Variants in RHOH observed in about 807,000 individuals in gnomAD.
RHOH encodes rho-related GTP-binding protein RhoH.
Under a neutral mutation model 13.8 loss-of-function variants are expected in RHOH, and 6 were observed. The observed-to-expected ratio is 0.44, with a 90% confidence interval of 0.24 to 0.86. RHOH has a LOEUF of 0.86. Among genes scored for constraint, RHOH ranks in the 40% least tolerant of loss-of-function variants. RHOH has a pLI of 0.24. For synonymous variants in RHOH, 117 were observed against 103.0 expected, an observed-to-expected ratio of 1.14 and a Z score of -0.82; for missense variants, 147 against 244.5, an observed-to-expected ratio of 0.60 and a Z score of 2.66.
chr4:40,231,393 C>T (rs1727925126), intron 1 of RHOH, among the ~76,000 whole-genome samples: 1 of 145,992 alleles, frequency 6.8e-6, no homozygotes, highest in South Asian at 2.1e-4. Flanking sequence ...CATGTCAAAG[C>T]TCATGGGAGA....
Position 40,233,588 on chromosome 4 carries a change from A to G in RHOH, c.-330-9126A>G, listed in dbSNP as rs78887274. 8.9e-3 allele frequency among the ~76,000 whole-genome samples: 1,362 copies of G among 152,304 alleles called. 22 individuals are homozygous for G. Among genetic ancestry groups the G allele is most frequent in the African/African-American group, 0.03 (1,257 of 41,566 alleles). The stretch of plus-strand genomic sequence containing the variant: ...TAGGAGTTGGCAAACTTTTTTGTGT[A>G]AAGACCAAATTGAAAATATTTTAGG... On this transcript the variant is annotated intron_variant, in intron 1 of 2. Coordinates refer to ENST00000381799, the MANE Select transcript of RHOH (RefSeq NM_004310.5).
intron 1 of RHOH, among the ~76,000 whole-genome samples, chr4:40,198,416 G>A (rs544436556): frequency 1.3e-5 from 2 of 152,352 alleles, no homozygotes; most frequent in East Asian, 1.9e-4. Context: ...GGACACAAAA[G>A]CGAGGACCTT....
At position 40,234,744 on chromosome 4, in the gene RHOH, C is replaced by CTTTTT. The variant is rs549802852; in HGVS notation, c.-330-7948_-330-7944dup. On this transcript the variant is annotated intron_variant, in intron 1 of 2. Transcript: ENST00000381799. Reference sequence around the variant, plus strand: ...TATGTTAAAAGTTGCAAATCAGCATCTTTTTTTTTTTTTTTTTTTTTTTTT... The same window carrying CTTTTT: ...TATGTTAAAAGTTGCAAATCAGCATCTTTTTTTTTTTTTTTTTTTTTTTTTTTTTT... 1.4e-4 allele frequency among the ~76,000 whole-genome samples: 14 copies of CTTTTT among 101,100 alleles called. 1 individual carries two copies. The highest frequency in any genetic ancestry group is 4.7e-4 in the African/African-American group (12 of 25,650). The allele number at this position is 101,100 out of a possible 152,430, so 66.3% of individuals were successfully genotyped here.
At chr4:40,242,014 C>A (rs77841885) in intron 1 of RHOH, among the ~76,000 whole-genome samples, 386 of 152,314 alleles carry the variant, frequency 2.5e-3, no homozygotes, top group African/African-American at 8.7e-3. Context: ...TGACACATGT[C>A]AGGAAGATCG....
chr4:40,211,525 C>T (rs529050880), intron 1 of RHOH, among the ~76,000 whole-genome samples: 61 of 152,200 alleles, frequency 4.0e-4, no homozygotes, highest in Non-Finnish European at 5.9e-4. Flanking sequence ...CCGCCTGCCT[C>T]GGCCTCCCAA....
chr4:40,214,669 G>A (rs1433341479), intron 1 of RHOH, among the ~76,000 whole-genome samples: 5 of 152,188 alleles, frequency 3.3e-5, no homozygotes, highest in Non-Finnish European at 7.4e-5. Flanking sequence ...TGGAAAACAG[G>A]CATGTTTGAG....
chr4:40,219,634 A>T (rs1349114477), intron 1 of RHOH, among the ~76,000 whole-genome samples: 1 of 152,174 alleles, frequency 6.6e-6, no homozygotes, highest in Non-Finnish European at 1.5e-5. Context: ...TATTCAAAAA[A>T]TGTAAAAACA....
At chr4:40,212,822 A>C (rs1579262741) in intron 1 of RHOH, 1 of 152,244 alleles carries the variant, frequency 6.6e-6, no homozygotes, top group African/African-American at 2.4e-5. Context: ...GACTTGTTGG[A>C]TGCTGGCCGT....
At chr4:40,233,222 T>A (rs918205249) in intron 1 of RHOH, among the ~76,000 whole-genome samples, 3 of 152,344 alleles carry the variant, frequency 2.0e-5, no homozygotes, top group East Asian at 1.9e-4. Flanking sequence ...ATCATTATTT[T>A]ATTTTAATTT....
At chr4:40,199,258 C>T (rs1723646790) in intron 1 of RHOH, among the ~76,000 whole-genome samples, 1 of 152,128 alleles carries the variant, frequency 6.6e-6, no homozygotes, top group Non-Finnish European at 1.5e-5. Context: ...AGATGCAACT[C>T]TTATGATTCT....
intron 1 of RHOH, among the ~76,000 whole-genome samples, chr4:40,222,357 T>G (rs909159251): frequency 1.6e-4 from 25 of 152,230 alleles, no homozygotes; most frequent in Non-Finnish European, 2.9e-5. Context: ...GCTTCAAAGC[T>G]TCAAAGAACA....
chr4:40,243,933 T>C lies in RHOH; in HGVS notation c.547T>C (p.Phe183Leu), dbSNP rs746366618. 2.5e-6 allele frequency: 4 copies of C among 1,613,778 alleles called. No homozygotes were observed. The highest frequency in any genetic ancestry group is 3.4e-6 in the Non-Finnish European group (4 of 1,179,882). ...QARRRNRRRL[F>L]SINECKIF ...CAGGAGACGAAACAGAAGGAGGCTC[T>C]TCTCCATCAATGAGTGCAAGATCTT... The change falls in exon 3 of 3, where the codon TTC (phenylalanine) becomes CTC (leucine). Residue 183 changes from phenylalanine (F) to leucine (L), a missense_variant. Coordinates refer to ENST00000381799, the MANE Select transcript of RHOH (RefSeq NM_004310.5). This position sits in a 1 kb window ranked among gnomAD's most constrained non-coding sequence, Gnocchi z 6.2.
intron 1 of RHOH, among the ~76,000 whole-genome samples, chr4:40,203,382 G>T (rs1724258793): frequency 6.6e-6 from 1 of 152,204 alleles, no homozygotes; most frequent in Non-Finnish European, 1.5e-5. Flanking sequence ...TGGTCTAGAG[G>T]TTGGCAGGAA....
At chr4:40,208,724 G>T (rs1471530162) in intron 1 of RHOH, among the ~76,000 whole-genome samples, 2 of 152,066 alleles carry the variant, frequency 1.3e-5, no homozygotes, top group African/African-American at 4.8e-5. Context: ...ACAACGCAAG[G>T]TGTTTTATTA....
intron 1 of RHOH, among the ~76,000 whole-genome samples, chr4:40,233,782 T>TA (rs1027206871): frequency 2.6e-5 from 4 of 151,874 alleles, no homozygotes; most frequent in African/African-American, 7.3e-5. Flanking sequence ...TTTCAACCAT[T>TA]AAAAAATGTA....
chr4:40,240,666 G>A (rs986822280), intron 1 of RHOH, among the ~76,000 whole-genome samples: 3 of 151,604 alleles, frequency 2.0e-5, no homozygotes, highest in Non-Finnish European at 4.4e-5. Context: ...AGTCCCAGCT[G>A]CTCGGGAGGC....
intron 1 of RHOH, among the ~76,000 whole-genome samples, chr4:40,197,720 T>C (rs1723379956): frequency 6.6e-6 from 1 of 152,236 alleles, no homozygotes; most frequent in African/African-American, 2.4e-5. Context: ...GTCTAAATGA[T>C]GTAGATTTCA....
upstream of RHOH, among the ~76,000 whole-genome samples, chr4:40,191,655 T>G (rs1055675801): frequency 1.3e-5 from 2 of 152,226 alleles, no homozygotes; most frequent in Non-Finnish European, 2.9e-5. Context: ...CTCTGTCTTC[T>G]TATGAATTAT....
At chr4:40,231,531 C>T (rs1029653320) in intron 1 of RHOH, among the ~76,000 whole-genome samples, 1 of 152,176 alleles carries the variant, frequency 6.6e-6, no homozygotes, top group Non-Finnish European at 1.5e-5. Context: ...CAGTGGGAAA[C>T]ACCCACCTCT....
Sources: gnomAD v4.1 joint callset for allele counts (sites outside exome capture counted in the v4.1 genomes callset) on GRCh38, gnomAD v4.1.1 for gene constraint, Gnocchi (gnomAD v3.1) non-coding constraint, MANE v1.5 for transcripts, NCBI Gene and HGNC (gene_info 2026-07-23, HGNC 2026-07-21) for gene names.